The following MAST1 variants were observed in gnomAD, a reference collection of about 807,000 sequenced individuals.
MAST1 encodes microtubule-associated serine/threonine-protein kinase 1.
MAST1 carries 40 observed loss-of-function variants against 124.6 expected under a neutral mutation model. The observed-to-expected ratio is 0.32, with a 90% CI of 0.25 to 0.42. The LOEUF is 0.42. Among genes scored for constraint, MAST1 ranks in the 10% least tolerant of loss-of-function variants. The probability of loss-of-function intolerance (pLI) is 1.00; values close to 1 mark genes in which losing one functional copy is unlikely to be tolerated. For missense variants in MAST1, 1,558 were observed against 2,181.9 expected (o/e 0.71, Z 5.70); for synonymous variants, 938 against 939.4 (o/e 1.00, Z 0.03).
Position 12,867,665 on chromosome 19 carries a change from A to C in MAST1, c.2318+13A>C. ...GCTCTCCGGAGATGTGAGCAGGGGA[A>C]TGGCGGAGTTTGGGGGCGGGGTCGA... On this transcript the variant is annotated intron_variant, in intron 19 of 25. Transcript: ENST00000251472. 6.4e-7 allele frequency: 1 copy of C among 1,565,548 alleles called. No individual in the cohort carries two copies. The highest frequency in any genetic ancestry group is 8.6e-7 in the Non-Finnish European group (1 of 1,156,234).
chr19:12,873,451 G>T lies in MAST1; in HGVS notation c.3391G>T (p.Gly1131Trp). ...TAGTCTCCCGGGCTCGCCTACGCAC[G>T]GGCTGCCGGCGCGCTCGCCCACGCA... ...SDSLPGSPTH[G>W]LPARSPTHSY... The change falls in exon 25 of 26, where the codon GGG becomes TGG. Residue 1131 changes from glycine to tryptophan, a missense_variant. By Grantham distance (184) the Gly-to-Trp change is radical. Coordinates refer to ENST00000251472, the MANE Select transcript of MAST1 (RefSeq NM_014975.3). 6.2e-7 allele frequency: 1 copy of T among 1,611,664 alleles called. No homozygotes were observed. Among genetic ancestry groups the T allele is most frequent in the Non-Finnish European group, 8.5e-7 (1 of 1,179,818 alleles).
chr19:12,859,450 G>A (rs1254054086), intron 12 of MAST1, among the ~76,000 whole-genome samples: 1 of 151,922 alleles, frequency 6.6e-6, no homozygotes, highest in East Asian at 1.9e-4. Flanking sequence ...GTAGTGGTGC[G>A]ATCACAGCTC....
In MAST1 at chr19:12,847,558, T is replaced by C; in HGVS notation, c.489-54T>C. ...AAGGGTTACATCTTGGGGCGGGGGC[T>C]CTCTGCGGGCTTGGAGGCAGAGGAC... On this transcript the variant is annotated intron_variant, in intron 5 of 25. Coordinates refer to ENST00000251472, the MANE Select transcript of MAST1 (RefSeq NM_014975.3). The surrounding 1 kb of genome is among the most constrained non-coding windows in gnomAD (Gnocchi z 5.5). 1 of 1,613,100 alleles carries C rather than the reference T, an allele frequency of 6.2e-7. No homozygotes were observed.
intron 4 of MAST1, among the ~76,000 whole-genome samples, chr19:12,845,172 G>T (rs181836440): frequency 6.6e-6 from 1 of 152,104 alleles, no homozygotes; most frequent in East Asian, 1.9e-4. Context: ...CGTGGTCATG[G>T]ATGCCTGTAA....
In MAST1 at chr19:12,841,596, T is replaced by C. The variant is rs1969828486; in HGVS notation, c.248+530T>C. Among the ~76,000 whole-genome samples the C allele has an allele frequency of 6.6e-6, 1 of 152,236 alleles. No individual in the cohort carries two copies. The highest frequency in any genetic ancestry group is 2.4e-5 in the African/African-American group (1 of 41,466). On this transcript the variant is annotated intron_variant, in intron 3 of 25. Coordinates refer to ENST00000251472, the MANE Select transcript of MAST1 (RefSeq NM_014975.3). This position sits in a 1 kb window ranked among gnomAD's most constrained non-coding sequence, Gnocchi z 4.3. ...ACTGGGGGAGGCAGAGAGGTTTCTC[T>C]GATGTTTTCTGGAGAAACGTTTCTG... is the stretch of plus-strand genomic sequence containing the variant.
rs775892097 is a variant in MAST1 at position 12,865,494 on chromosome 19, G to A, written c.1804+13G>A. On this transcript the variant is annotated intron_variant, in intron 15 of 25. Transcript: ENST00000251472. The surrounding 1 kb of genome is among the most constrained non-coding windows in gnomAD (Gnocchi z 7.1). Reference sequence around the variant, plus strand: ...CAGGTCATCAGTGGTACGTGGCTTGGCAGTGTACAGGGGCAGAGTGTGGTG... The same window carrying A: ...CAGGTCATCAGTGGTACGTGGCTTGACAGTGTACAGGGGCAGAGTGTGGTG... 24 of 1,567,892 alleles carry A rather than the reference G, an allele frequency of 1.5e-5. No individual in the cohort carries two copies.
intron 12 of MAST1, among the ~76,000 whole-genome samples, chr19:12,860,405 C>T (rs1970065647): frequency 6.7e-6 from 1 of 149,028 alleles, no homozygotes; most frequent in South Asian, 2.1e-4. Context: ...CGTGAACCAC[C>T]ACACCCGGCT....
At chr19:12,867,446 T>G (rs774433400) in intron 18 of MAST1, 28 bp from the exon 19 acceptor site, 3 of 1,611,270 alleles carry the variant, frequency 1.9e-6, no homozygotes, top group African/African-American at 2.7e-5. Context: ...GAACCCGGGC[T>G]GGACTTGCCT....
chr19:12,873,486 C>T lies in MAST1; in HGVS notation c.3426C>T (p.Arg1142=). The T allele has an allele frequency of 6.2e-7, 1 of 1,607,300 alleles. No individual in the cohort carries two copies. ...CGCGCTCGCCCACGCACAGCTACCG[C>T]TCCACGCCTGACTCCGCCTACCTAG... ...LPARSPTHSY[R]STPDSAYLGA... is the part of the protein sequence containing the mutation. Residue 1142 remains arginine, a synonymous_variant, in exon 25 of 26, where the codon CGC becomes CGT. Coordinates refer to ENST00000251472, the MANE Select transcript of MAST1 (RefSeq NM_014975.3).
Position 12,866,833 on chromosome 19 carries a change from C to A in MAST1, c.2139+71C>A. Reference sequence around the variant, plus strand: ...TGGGGCTTGGAGAGACAGTGAGAAACAGGTTCCCTGGTGCCCAAGGTCTCA... The same window carrying A: ...TGGGGCTTGGAGAGACAGTGAGAAAAAGGTTCCCTGGTGCCCAAGGTCTCA... On this transcript the variant is annotated intron_variant, in intron 18 of 25. Transcript: ENST00000251472. The surrounding 1 kb of genome is among the most constrained non-coding windows in gnomAD (Gnocchi z 5.2). 1 of 1,312,458 alleles carries A rather than the reference C, an allele frequency of 7.6e-7. No individual in the cohort carries two copies. The highest frequency in any genetic ancestry group is 1.1e-6 in the Non-Finnish European group (1 of 927,662). The allele number at this position is 1,312,458 out of a possible 1,614,324, so 81.3% of individuals were successfully genotyped here. A position where few individuals can be genotyped will look rare whatever the true frequency, so the allele number is the denominator to read the frequency against.
Position 12,858,263 on chromosome 19 carries a change from T to C in MAST1, c.1078-99T>C, listed in dbSNP as rs565585651. The C allele has an allele frequency of 1.7e-5, 18 of 1,079,396 alleles. No homozygotes were observed. In the South Asian group the frequency reaches 2.4e-4, roughly 14 times the overall value. The allele number at this position is 1,079,396 out of a possible 1,614,324, so 66.9% of individuals were successfully genotyped here. ...TTATGGCACTTGGATGAAGGACTCT[T>C]TCATTCTGTGCCTCAGTTTCCCCAT... On this transcript the variant is annotated intron_variant, in intron 10 of 25. Coordinates refer to ENST00000251472, the MANE Select transcript of MAST1 (RefSeq NM_014975.3).
In MAST1 at chr19:12,865,943, T is replaced by C. The variant is rs772734534; in HGVS notation, c.1907-37T>C. The C allele has an allele frequency of 6.2e-7, 1 of 1,611,984 alleles. No individual in the cohort carries two copies. The highest frequency in any genetic ancestry group is 8.5e-7 in the Non-Finnish European group (1 of 1,179,348). On this transcript the variant is annotated intron_variant, in intron 16 of 25. Transcript: ENST00000251472. This position sits in a 1 kb window ranked among gnomAD's most constrained non-coding sequence, Gnocchi z 7.1. ...GGGGGGCGGGGCTGGGCTGCTGGGT[T>C]GGCCATCAGCTGTGGCTGGAATCCC...
chr19:12,844,107 G>GCT (rs1188608431), intron 4 of MAST1, among the ~76,000 whole-genome samples: 1 of 152,198 alleles, frequency 6.6e-6, no homozygotes, highest in African/African-American at 2.4e-5. Flanking sequence ...AGAGCCCAAT[G>GCT]CTCTGCCCTC....
At chr19:12,870,679 A>AAAAT in intron 22 of MAST1, 145 bp from the exon 23 acceptor site, 1 of 908,192 alleles carries the variant, frequency 1.1e-6, no homozygotes, top group Non-Finnish European at 1.6e-6. Context: ...AAAAAAAAAA[A>AAAAT]TGTGGGGGGA....
Position 12,866,130 on chromosome 19 carries a change from G to T in MAST1, c.2029+28G>T. On this transcript the variant is annotated intron_variant, in intron 17 of 25. Transcript: ENST00000251472. The surrounding 1 kb of genome is among the most constrained non-coding windows in gnomAD (Gnocchi z 5.2). The stretch of plus-strand genomic sequence containing the variant: ...GAGCTGGGACACCAGGCACGACCTG[G>T]GTCGAGGGGTGGGATCCGGGAAGAG... 1.2e-6 allele frequency: 2 copies of T among 1,613,244 alleles called. No individual in the cohort carries two copies.
rs187247861 is a variant in MAST1 at position 12,847,606 on chromosome 19, C to T, written c.489-6C>T. On this transcript the variant is annotated splice_region_variant and splice_polypyrimidine_tract_variant and intron_variant, in intron 5 of 25. Coordinates refer to ENST00000251472, the MANE Select transcript of MAST1 (RefSeq NM_014975.3). This position sits in a 1 kb window ranked among gnomAD's most constrained non-coding sequence, Gnocchi z 5.5. ...GACTCGACAAAATGGGCTTCTCTCC[C>T]CGCAGCCCCGGGCGCTCCCCCTCCT... The T allele has an allele frequency of 6.3e-4, 1,021 of 1,614,112 alleles. 8 individuals carry two copies. In the African/African-American group the frequency reaches 0.012, roughly 19 times the overall value.
In MAST1 at chr19:12,866,068, C is replaced by T. The variant is rs1240629697; in HGVS notation, c.1995C>T (p.His665=). The T allele has an allele frequency of 3.7e-6, 6 of 1,614,014 alleles. No individual in the cohort carries two copies. The Admixed American group carries it at 1.0e-4, about 27-fold the overall frequency. ...LLRQKAEFIP[H]LESEDDTSYF... is the part of the protein sequence containing the mutation. ...GGCAGAAGGCCGAGTTCATCCCCCA[C>T]CTAGAGTCGGAAGATGACACTAGCT... Residue 665 remains histidine, a synonymous_variant, in exon 17 of 26, where the codon CAC becomes CAT. Transcript: ENST00000251472. The surrounding 1 kb of genome is among the most constrained non-coding windows in gnomAD (Gnocchi z 5.2).
intron 12 of MAST1, among the ~76,000 whole-genome samples, chr19:12,860,674 T>C (rs974936463): frequency 6.6e-6 from 1 of 151,620 alleles, no homozygotes. Context: ...CTCGAACTCC[T>C]GACCTCAGGT....
At chr19:12,848,483 C>T (rs112302058) in intron 7 of MAST1, 7,483 of 170,534 alleles carry the variant, frequency 0.044, 203 homozygotes, top group African/African-American at 0.076. Flanking sequence ...CAAAATTAGC[C>T]GGGCGTGGTG....
Sources: allele counts gnomAD v4.1 joint callset (sites outside exome capture counted in the v4.1 genomes callset), GRCh38; gene constraint gnomAD v4.1.1; non-coding constraint Gnocchi (gnomAD v3.1); transcripts MANE v1.5; gene names NCBI Gene and HGNC (gene_info 2026-07-23, HGNC 2026-07-21).